Variants in SRRM4 observed in about 807,000 individuals in gnomAD.
SRRM4 encodes serine/arginine repetitive matrix 4, also known as serine/arginine repetitive matrix protein 4.
A neutral mutation model predicts 68.9 loss-of-function variants in SRRM4; 33 were observed. That is an observed-to-expected ratio of 0.48 (90% CI 0.36 to 0.64). The LOEUF (loss-of-function observed/expected upper bound fraction) is 0.64. SRRM4 is among the 30% of genes least tolerant of loss of function. The pLI is 0.00. For missense variants in SRRM4, 817 were observed against 827.1 expected (o/e 0.99, Z 0.15); for synonymous variants, 318 against 318.8 (o/e 1.00, Z 0.03).
chr12:119,069,898 G>A (rs1027909987), intron 1 of SRRM4, among the ~76,000 whole-genome samples: 1 of 152,066 alleles, frequency 6.6e-6, no homozygotes, highest in South Asian at 2.1e-4. Flanking sequence ...TTAAACCAGG[G>A]AATCTCAAAA....
At chr12:119,073,088 A>G (rs1486735926) in intron 1 of SRRM4, among the ~76,000 whole-genome samples, 2 of 15,110 alleles carry the variant, frequency 1.3e-4, no homozygotes, top group Non-Finnish European at 2.5e-4. Context: ...GTAACACATG[A>G]AAAGGAAAAA....
At chr12:119,117,149 G>A in intron 4 of SRRM4, 141 bp downstream of exon 4, 1 of 737,296 alleles carries the variant, frequency 1.4e-6, no homozygotes, top group Middle Eastern at 4.0e-4. Flanking sequence ...TTTGTGTCTT[G>A]TGTAAGCTGG....
rs117685254 is a variant in SRRM4 at position 119,084,324 on chromosome 12, G to A, written c.132-17912G>A. Among the ~76,000 whole-genome samples the A allele has an allele frequency of 5.0e-3, 754 of 152,308 alleles. 4 individuals are homozygous for A. Among genetic ancestry groups the A allele is most frequent in the Non-Finnish European group, 8.0e-3 (545 of 68,034 alleles). On this transcript the variant is annotated intron_variant, in intron 1 of 12. Coordinates refer to ENST00000267260, the MANE Select transcript of SRRM4 (RefSeq NM_194286.4). ...AGCTACCTCTTCTGGAAGGTGAGAG[G>A]GGAAGGCAGGCAAACAACTGGACAT...
intron 1 of SRRM4, among the ~76,000 whole-genome samples, chr12:119,005,408 C>T (rs1218314094): frequency 6.6e-6 from 1 of 152,182 alleles, no homozygotes; most frequent in Non-Finnish European, 1.5e-5. Flanking sequence ...AGTACTGACA[C>T]CTGGGCCCCA....
At chr12:119,070,213 G>C (rs1953869071) in intron 1 of SRRM4, among the ~76,000 whole-genome samples, 1 of 47,954 alleles carries the variant, frequency 2.1e-5, no homozygotes, top group African/African-American at 9.1e-5. Context: ...CTTCACACAG[G>C]TGAGAAAAAA....
chr12:119,062,335 T>C lies in SRRM4; in HGVS notation c.132-39901T>C, dbSNP rs553529652. Among the ~76,000 whole-genome samples, 12 of 152,372 alleles carry C rather than the reference T, an allele frequency of 7.9e-5. No homozygotes were observed. The South Asian group carries it at 2.5e-3, about 32-fold the overall frequency. ...GAACTAGGACATTACTGTACACTACTGTAGACTTGATAAACACTGTAAACT... is the reference window on the plus strand; with the variant it reads ...GAACTAGGACATTACTGTACACTACCGTAGACTTGATAAACACTGTAAACT... On this transcript the variant is annotated intron_variant, in intron 1 of 12. Coordinates refer to ENST00000267260, the MANE Select transcript of SRRM4 (RefSeq NM_194286.4).
chr12:119,035,811 T>C (rs939529969), intron 1 of SRRM4, among the ~76,000 whole-genome samples: 1 of 152,150 alleles, frequency 6.6e-6, no homozygotes, highest in African/African-American at 2.4e-5. Context: ...CTCTATATTG[T>C]TGAGTCTCTT....
rs192669950 is a variant in SRRM4, at chr12:119,106,815, T to C, written c.278+4433T>C. Among the ~76,000 whole-genome samples the C allele has an allele frequency of 5.2e-3, 797 of 152,350 alleles. 2 individuals carry two copies. Among genetic ancestry groups the C allele is most frequent in the Admixed American group, 7.8e-3 (120 of 15,304 alleles). ...ATACCCTTTATTTCTTTCTCCTGCC[T>C]GATTGCCCTGGCCGGAACTTGCAAC... On this transcript the variant is annotated intron_variant, in intron 2 of 12. Coordinates refer to ENST00000267260, the MANE Select transcript of SRRM4 (RefSeq NM_194286.4).
At chr12:119,085,378 A>G (rs1389007523) in intron 1 of SRRM4, among the ~76,000 whole-genome samples, 2 of 152,232 alleles carry the variant, frequency 1.3e-5, no homozygotes, top group African/African-American at 4.8e-5. Flanking sequence ...GCTCAAGGTC[A>G]CAGAGTGGCA....
chr12:119,109,307 T>C (rs911529444), intron 2 of SRRM4, among the ~76,000 whole-genome samples: 73 of 152,290 alleles, frequency 4.8e-4, no homozygotes, highest in African/African-American at 1.7e-3. Flanking sequence ...GTCTTGGAGT[T>C]GCTCTTCTTG....
chr12:119,154,594 A>T lies in SRRM4; in HGVS notation c.1532+211A>T, dbSNP rs747792568. Among the ~76,000 whole-genome samples, 93 of 152,184 alleles carry T rather than the reference A, an allele frequency of 6.1e-4. No homozygotes were observed. Among genetic ancestry groups the T allele is most frequent in the Non-Finnish European group, 1.0e-3 (69 of 68,024 alleles). Reference sequence around the variant, plus strand: ...CCCAGCTCAACCAGCAGGGCCTGCAAGAAGGGGGCGGGGCCAGCCTGAAGA... The same window carrying T: ...CCCAGCTCAACCAGCAGGGCCTGCATGAAGGGGGCGGGGCCAGCCTGAAGA... On this transcript the variant is annotated intron_variant, in intron 12 of 12. Coordinates refer to ENST00000267260, the MANE Select transcript of SRRM4 (RefSeq NM_194286.4). The surrounding 1 kb of genome is among the most constrained non-coding windows in gnomAD (Gnocchi z 4.7).
At chr12:119,083,976 T>A (rs1953964971) in intron 1 of SRRM4, among the ~76,000 whole-genome samples, 2 of 152,218 alleles carry the variant, frequency 1.3e-5, no homozygotes, top group South Asian at 4.1e-4. Context: ...CTGCAAAGCA[T>A]CACTGAGCTA....
chr12:119,093,705 T>C (rs1762457460), intron 1 of SRRM4, among the ~76,000 whole-genome samples: 1 of 152,150 alleles, frequency 6.6e-6, no homozygotes, highest in African/African-American at 2.4e-5. Flanking sequence ...CCAGGTCCCA[T>C]GCATTTTTCC....
chr12:119,102,969 T>A (rs1954085876), intron 2 of SRRM4, among the ~76,000 whole-genome samples: 1 of 152,172 alleles, frequency 6.6e-6, no homozygotes, highest in African/African-American at 2.4e-5. Flanking sequence ...AGAAGTAAAG[T>A]GAGTTCCCCA....
chr12:119,033,586 C>A (rs1309550763), intron 1 of SRRM4, among the ~76,000 whole-genome samples: 1 of 151,990 alleles, frequency 6.6e-6, no homozygotes, highest in Non-Finnish European at 1.5e-5. Flanking sequence ...ATCGCTTGAA[C>A]CCAAGAGGCG....
At chr12:119,002,097 C>A (rs555114367) in intron 1 of SRRM4, among the ~76,000 whole-genome samples, 2 of 152,076 alleles carry the variant, frequency 1.3e-5, no homozygotes, top group South Asian at 4.2e-4. Context: ...GACCACACTG[C>A]CTATGTGAAA....
chr12:119,088,240 A>G (rs1226491539), intron 1 of SRRM4, among the ~76,000 whole-genome samples: 1 of 152,180 alleles, frequency 6.6e-6, no homozygotes, highest in East Asian at 1.9e-4. Context: ...CATCCAGAGA[A>G]GAATCTGACT....
At chr12:119,014,420 C>G (rs1244354141) in intron 1 of SRRM4, among the ~76,000 whole-genome samples, 1 of 152,094 alleles carries the variant, frequency 6.6e-6, no homozygotes, top group Non-Finnish European at 1.5e-5. Flanking sequence ...GAATGACTTG[C>G]TGTAACAGAT....
intron 1 of SRRM4, among the ~76,000 whole-genome samples, chr12:119,073,066 C>T (rs528327581): frequency 2.7e-5 from 4 of 145,540 alleles, no homozygotes; most frequent in African/African-American, 1.0e-4. Context: ...GCAGGCAAGA[C>T]AAGAGGCATG....
Sources: gnomAD v4.1 joint callset for allele counts (sites outside exome capture counted in the v4.1 genomes callset) on GRCh38, gnomAD v4.1.1 for gene constraint, Gnocchi (gnomAD v3.1) non-coding constraint, MANE v1.5 for transcripts, NCBI Gene and HGNC (gene_info 2026-07-23, HGNC 2026-07-21) for gene names.